The following TIAM2 variants were observed in gnomAD, a reference collection of about 807,000 sequenced individuals.
The protein encoded by TIAM2 is TIAM Rac1 associated GEF 2, also known as rho guanine nucleotide exchange factor TIAM2.
Under a neutral mutation model 152.9 loss-of-function variants are expected in TIAM2, and 80 were observed. The observed-to-expected ratio is 0.52, with a 90% CI of 0.44 to 0.63. TIAM2 has a LOEUF of 0.63. Ranked by LOEUF, TIAM2 falls within the 30% of genes least tolerant of loss-of-function variation. The pLI is 0.00. For synonymous variants in TIAM2, 804 were observed against 838.0 expected (o/e 0.96, Z 0.70); for missense variants, 1,965 against 2,120.1 (o/e 0.93, Z 1.44).
At chr6:155,065,936 T>A (rs1228683435) in intron 1 of TIAM2, among the ~76,000 whole-genome samples, 3 of 152,200 alleles carry the variant, frequency 2.0e-5, no homozygotes, top group Non-Finnish European at 4.4e-5. Flanking sequence ...TCCCAAGTTG[T>A]ATGCTGATCC....
chr6:155,011,729 A>G (rs1367362242), intron 1 of TIAM2, among the ~76,000 whole-genome samples: 5 of 152,208 alleles, frequency 3.3e-5, no homozygotes, highest in Non-Finnish European at 7.3e-5. Flanking sequence ...AGTCACTAAA[A>G]CCAGTCAACT....
intron 1 of TIAM2, among the ~76,000 whole-genome samples, chr6:155,007,217 GC>G (rs1778417203): frequency 6.6e-6 from 1 of 152,132 alleles, no homozygotes; most frequent in African/African-American, 2.4e-5. Context: ...CCTGCATGAT[GC>G]CCCTTTGCAT....
intron 2 of TIAM2, among the ~76,000 whole-genome samples, chr6:155,127,065 A>G (rs992568688): frequency 6.6e-5 from 10 of 152,152 alleles, no homozygotes; most frequent in Non-Finnish European, 1.5e-4. Flanking sequence ...TTAACCAAGG[A>G]CTATTCACTG....
intron 15 of TIAM2, among the ~76,000 whole-genome samples, chr6:155,227,516 C>T (rs929850834): frequency 6.6e-6 from 1 of 152,196 alleles, no homozygotes; most frequent in Non-Finnish European, 1.5e-5. Flanking sequence ...TTCTAAAGCA[C>T]TTCTTCCCAT....
chr6:155,130,345 C>A lies in TIAM2; in HGVS notation c.1122C>A (p.Asp374Glu), dbSNP rs369627279. Residue 374 changes from aspartate (D) to glutamate (E), a missense_variant, in exon 4 of 27, where the codon GAC becomes GAA. This residue lies in a region of TIAM2 where 1,025 missense variants were observed against 1,119.4 expected (regional missense o/e 0.92). Transcript: ENST00000682666. ...TTGTTGAGGATACTGCGAAGAAGGA[C>A]TCCCTCAAAGCCAGGATGCGACGGA... Reference protein sequence around the residue: ...KAFVEDTAKKDSLKARMRRIS... With the variant: ...KAFVEDTAKKESLKARMRRIS... The A allele has an allele frequency of 2.7e-5, 43 of 1,613,986 alleles. 1 individual carries two copies. The South Asian group carries it at 4.7e-4, about 18-fold the overall frequency.
At chr6:155,114,940 GTC>G (rs1778975751) in intron 2 of TIAM2, among the ~76,000 whole-genome samples, 1 of 152,006 alleles carries the variant, frequency 6.6e-6, no homozygotes, top group Admixed American at 6.6e-5. Flanking sequence ...CAATTCTCCT[GTC>G]TCAGCCTCCC....
intron 1 of TIAM2, among the ~76,000 whole-genome samples, chr6:155,023,042 GTTTTTTTTT>G (rs762200760): frequency 1.1e-5 from 1 of 88,274 alleles, no homozygotes; most frequent in African/African-American, 3.8e-5. Context: ...TTTTTGTTCT[GTTTTTTTTT>G]TTTTTTTTTC....
chr6:154,998,446 T>C (rs542336623), intron 1 of TIAM2, among the ~76,000 whole-genome samples: 4 of 152,188 alleles, frequency 2.6e-5, no homozygotes, highest in Middle Eastern at 3.4e-3. Flanking sequence ...GCATGAAAAA[T>C]GCAGTTTTCA....
intron 1 of TIAM2, among the ~76,000 whole-genome samples, chr6:155,018,082 T>G (rs1403760515): frequency 6.6e-6 from 1 of 151,998 alleles, no homozygotes; most frequent in Non-Finnish European, 1.5e-5. Flanking sequence ...TGGATTAAAA[T>G]ACATTATGGG....
intron 15 of TIAM2, among the ~76,000 whole-genome samples, chr6:155,227,816 G>C (rs1782300589): frequency 6.6e-6 from 1 of 152,192 alleles, no homozygotes; most frequent in Non-Finnish European, 1.5e-5. Context: ...GACTGTGACA[G>C]CTGGAGAGAG....
chr6:154,996,071 G>A (rs1348977517), intron 1 of TIAM2, among the ~76,000 whole-genome samples: 1 of 152,224 alleles, frequency 6.6e-6, no homozygotes, highest in Admixed American at 6.5e-5. Context: ...GCGGCTCCTG[G>A]GGGGGCTGAG....
At chr6:155,096,275 C>T (rs1208916269) in intron 2 of TIAM2, among the ~76,000 whole-genome samples, 2 of 152,054 alleles carry the variant, frequency 1.3e-5, no homozygotes, top group East Asian at 1.9e-4. Context: ...TAATTCAGCA[C>T]GTTCATATAA....
At chr6:155,029,489 A>ATATT (rs1562295220) in intron 1 of TIAM2, among the ~76,000 whole-genome samples, 2 of 29,582 alleles carry the variant, frequency 6.8e-5, no homozygotes, top group Admixed American at 5.4e-4. Flanking sequence ...TATATACTAT[A>ATATT]GTATATATTA....
At chr6:155,062,729 C>A (rs981841751) in intron 1 of TIAM2, among the ~76,000 whole-genome samples, 2 of 151,972 alleles carry the variant, frequency 1.3e-5, no homozygotes, top group Admixed American at 1.3e-4. Flanking sequence ...CAGGTACCCA[C>A]CATGCCCAGC....
In TIAM2 at chr6:155,179,446, G is replaced by A. The variant is rs749249072; in HGVS notation, c.2697G>A (p.Val899=). The change falls in exon 12 of 27, where the codon GTG becomes GTA. Residue 899 remains valine (V), a synonymous_variant. Coordinates refer to ENST00000682666, the MANE Select transcript of TIAM2 (RefSeq NM_012454.4). ...TGCAGCTCACGAAGACTGGGAGTGT[G>A]TGTGACTTTGGTGAGTGTAAGGAAT... ...YDVQLTKTGS[V]CDFGFAVTAQ... 2 of 1,612,496 alleles carry A rather than the reference G, an allele frequency of 1.2e-6. No individual in the cohort carries two copies. Among genetic ancestry groups the A allele is most frequent in the South Asian group, 2.2e-5 (2 of 90,500 alleles).
At chr6:155,152,803 G>GT (rs1306749277) in intron 7 of TIAM2, among the ~76,000 whole-genome samples, 1 of 152,052 alleles carries the variant, frequency 6.6e-6, no homozygotes, top group Non-Finnish European at 1.5e-5. Flanking sequence ...CTGGCCTGTT[G>GT]TGTGTGTGTG....
At chr6:155,116,993 C>T (rs1015181684) in intron 2 of TIAM2, among the ~76,000 whole-genome samples, 2 of 151,022 alleles carry the variant, frequency 1.3e-5, no homozygotes, top group African/African-American at 4.9e-5. Flanking sequence ...CAAGTTTTAG[C>T]TGAGACTTGA....
intron 1 of TIAM2, among the ~76,000 whole-genome samples, chr6:155,071,957 G>A (rs1382265902): frequency 1.3e-5 from 2 of 151,950 alleles, no homozygotes; most frequent in Non-Finnish European, 2.9e-5. Flanking sequence ...TGTTGTTAGG[G>A]AAGACGTTTT....
intron 1 of TIAM2, among the ~76,000 whole-genome samples, chr6:155,058,935 A>G (rs1777509187): frequency 6.6e-6 from 1 of 152,182 alleles, no homozygotes; most frequent in African/African-American, 2.4e-5. Flanking sequence ...TGGAGAGGAG[A>G]GGGTGATCAT....
Sources: gnomAD v4.1 joint callset for allele counts (sites outside exome capture counted in the v4.1 genomes callset) on GRCh38, gnomAD v4.1.1 for gene constraint, gnomAD v4.1.1 regional missense constraint, MANE v1.5 for transcripts, NCBI Gene and HGNC (gene_info 2026-07-23, HGNC 2026-07-21) for gene names.